PACRG: variants seen among roughly 807,000 people sequenced by gnomAD.
The protein encoded by PACRG is parkin coregulated.
PACRG carries 29 observed loss-of-function variants against 29.7 expected under a neutral mutation model. The ratio of observed to expected loss-of-function variants is 0.98; its 90% CI spans 0.73 to 1.33. PACRG has a LOEUF of 1.33. PACRG is among the 40% of genes most tolerant of loss of function. The probability of loss-of-function intolerance (pLI) is 0.00; values close to 1 mark genes in which losing one functional copy is unlikely to be tolerated. For synonymous variants in PACRG, 116 were observed against 118.7 expected (o/e 0.98, Z 0.15); for missense variants, 279 against 316.2 (o/e 0.88, Z 0.89).
chr6:163,259,884 G>A (rs1783257527), intron 4 of PACRG, among the ~76,000 whole-genome samples: 1 of 152,158 alleles, frequency 6.6e-6, no homozygotes, highest in Non-Finnish European at 1.5e-5. Flanking sequence ...ATGAGGGGCG[G>A]GCAGTGGAGC....
chr6:162,819,848 T>C (rs1235665572), intron 2 of PACRG, among the ~76,000 whole-genome samples: 1 of 152,212 alleles, frequency 6.6e-6, no homozygotes, highest in African/African-American at 2.4e-5. Context: ...ATTAAAATAA[T>C]TGTATTTTGA....
chr6:163,314,784 T>G (rs1785582138), intron 4 of PACRG, 43 bp from the exon 5 acceptor site: 1 of 1,596,666 alleles, frequency 6.3e-7, no homozygotes, highest in African/African-American at 1.3e-5. Flanking sequence ...TTCGGGAAAT[T>G]GCAGAGAAGT....
chr6:162,784,047 G>A (rs1372176136), intron 1 of PACRG, among the ~76,000 whole-genome samples: 1 of 151,994 alleles, frequency 6.6e-6, no homozygotes, highest in Admixed American at 6.6e-5. Context: ...TAATCATATT[G>A]ACTTTACAGA....
At position 163,233,267 on chromosome 6, in the gene PACRG, G is replaced by T. The variant is rs527771807; in HGVS notation, c.614-81560G>T. On this transcript the variant is annotated intron_variant, in intron 4 of 4. Transcript: ENST00000366888. ...TATTTAGGGACAAAGCTGAAGGTGT[G>T]TGAATGGATGGATGAAGAGATGGCT... is the stretch of plus-strand genomic sequence containing the variant. 2.9e-3 allele frequency among the ~76,000 whole-genome samples: 437 copies of T among 152,350 alleles called. 3 individuals are homozygous for T. The highest frequency in any genetic ancestry group is 0.01 in the African/African-American group (427 of 41,588).
At chr6:163,296,602 C>T (rs954740985) in intron 4 of PACRG, among the ~76,000 whole-genome samples, 9 of 152,178 alleles carry the variant, frequency 5.9e-5, no homozygotes, top group Non-Finnish European at 1.2e-4. Flanking sequence ...AGCCCACCAT[C>T]AGACTTTTTA....
chr6:163,090,697 A>G (rs1276739482), intron 4 of PACRG, among the ~76,000 whole-genome samples: 2 of 152,190 alleles, frequency 1.3e-5, no homozygotes, highest in African/African-American at 2.4e-5. Context: ...CCCGATGTGC[A>G]CCTTTTTCAA....
intron 4 of PACRG, among the ~76,000 whole-genome samples, chr6:163,124,661 A>T (rs1284289715): frequency 6.6e-6 from 1 of 152,194 alleles, no homozygotes; most frequent in African/African-American, 2.4e-5. Context: ...ACACAAGAAC[A>T]CCAGCTGGAG....
intron 4 of PACRG, among the ~76,000 whole-genome samples, chr6:163,173,933 T>C (rs904472039): frequency 6.6e-6 from 1 of 152,236 alleles, no homozygotes; most frequent in Non-Finnish European, 1.5e-5. Flanking sequence ...CATTGTTCCC[T>C]GGAGCACGTA....
intron 4 of PACRG, among the ~76,000 whole-genome samples, chr6:163,291,838 G>T (rs980346423): frequency 3.3e-5 from 5 of 152,198 alleles, no homozygotes; most frequent in African/African-American, 1.2e-4. Flanking sequence ...GAGGTGGGGA[G>T]GCCCTGACTC....
At chr6:162,800,921 A>G (rs889389465) in intron 1 of PACRG, among the ~76,000 whole-genome samples, 14 of 152,138 alleles carry the variant, frequency 9.2e-5, no homozygotes, top group African/African-American at 3.4e-4. Flanking sequence ...GGAACATTTT[A>G]CAGGAGGCTG....
intron 4 of PACRG, among the ~76,000 whole-genome samples, chr6:163,203,582 A>G (rs1156687479): frequency 2.6e-5 from 4 of 152,242 alleles, no homozygotes; most frequent in African/African-American, 9.6e-5. Context: ...TCATTAGCCC[A>G]TAGAACAACT....
intron 2 of PACRG, among the ~76,000 whole-genome samples, chr6:162,925,150 T>C (rs1797339414): frequency 6.6e-6 from 1 of 152,018 alleles, no homozygotes; most frequent in South Asian, 2.1e-4. Context: ...AATAACAAGT[T>C]CTGAAATTGA....
chr6:163,156,181 TCTGGGCTTCAG>T (rs1329096848), intron 4 of PACRG, among the ~76,000 whole-genome samples: 1 of 152,232 alleles, frequency 6.6e-6, no homozygotes, highest in Non-Finnish European at 1.5e-5. Flanking sequence ...TCAGCCAGTC[TCTGGGCTTCAG>T]CCACCGCCTT....
intron 2 of PACRG, among the ~76,000 whole-genome samples, chr6:162,962,321 A>G (rs1800691569): frequency 6.6e-6 from 1 of 152,184 alleles, no homozygotes; most frequent in Non-Finnish European, 1.5e-5. Context: ...TTAGCATGTA[A>G]TACATGTTTC....
At chr6:162,757,862 T>G (rs758954037) in intron 1 of PACRG, among the ~76,000 whole-genome samples, 50 of 152,122 alleles carry the variant, frequency 3.3e-4, no homozygotes, top group African/African-American at 1.0e-3. Flanking sequence ...GAAAGAGATA[T>G]GAATAGGCAA....
At chr6:162,741,716 C>A (rs1226539696) in intron 1 of PACRG, among the ~76,000 whole-genome samples, 1 of 152,178 alleles carries the variant, frequency 6.6e-6, no homozygotes, top group Non-Finnish European at 1.5e-5. Context: ...GTGTTTGGCT[C>A]ATCTGTCAAG....
intron 2 of PACRG, among the ~76,000 whole-genome samples, chr6:162,923,075 C>T (rs1797180675): frequency 1.3e-5 from 2 of 152,120 alleles, no homozygotes; most frequent in Non-Finnish European, 2.9e-5. Flanking sequence ...ACATTCTAAC[C>T]AGAGGGAGAT....
intron 2 of PACRG, among the ~76,000 whole-genome samples, chr6:162,949,572 T>C (rs1181235344): frequency 1.3e-5 from 2 of 152,228 alleles, no homozygotes; most frequent in Non-Finnish European, 2.9e-5. Flanking sequence ...ATACCCTAGC[T>C]TGATCACAAG....
intron 2 of PACRG, among the ~76,000 whole-genome samples, chr6:163,025,103 T>C (rs1282558515): frequency 6.6e-6 from 1 of 152,182 alleles, no homozygotes; most frequent in Admixed American, 6.5e-5. Flanking sequence ...ATAAGAGCCA[T>C]CTATGACAAA....
Sources: gnomAD v4.1 joint callset for allele counts (sites outside exome capture counted in the v4.1 genomes callset) on GRCh38, gnomAD v4.1.1 for gene constraint, MANE v1.5 for transcripts, NCBI Gene and HGNC (gene_info 2026-07-23, HGNC 2026-07-21) for gene names.